ELMO1: variants seen among roughly 807,000 people sequenced by gnomAD.
ELMO1 encodes the protein engulfment and cell motility protein 1.
Under a neutral mutation model 98.9 loss-of-function variants are expected in ELMO1, and 26 were observed. That is an observed-to-expected ratio of 0.26 (90% CI 0.19 to 0.36). The LOEUF (loss-of-function observed/expected upper bound fraction) is 0.36, where lower values mean the gene tolerates loss of function less well. Ranked by LOEUF, ELMO1 falls within the 10% of genes least tolerant of loss-of-function variation. The probability of loss-of-function intolerance (pLI) is 1.00; values close to 1 mark genes in which losing one functional copy is unlikely to be tolerated. For missense variants in ELMO1, 627 were observed against 935.2 expected, an observed-to-expected ratio of 0.67 and a Z score of 4.30; for synonymous variants, 346 against 346.0, an observed-to-expected ratio of 1.00 and a Z score of 0.00.
At chr7:37,367,664 G>A (rs1171803005) in intron 1 of ELMO1, among the ~76,000 whole-genome samples, 1 of 152,158 alleles carries the variant, frequency 6.6e-6, no homozygotes, top group Non-Finnish European at 1.5e-5. Flanking sequence ...TATCACCCGT[G>A]TGTGGTAGGA....
intron 1 of ELMO1, among the ~76,000 whole-genome samples, chr7:37,350,215 C>A (rs996392755): frequency 2.0e-5 from 3 of 152,166 alleles, no homozygotes; most frequent in African/African-American, 4.8e-5. Context: ...AAGCACTCAG[C>A]AGAAAGAGAA....
chr7:36,887,748 C>T (rs190946986), intron 17 of ELMO1, 76 bp from the exon 18 acceptor site: 129 of 1,306,904 alleles, frequency 9.9e-5, no homozygotes, highest in African/African-American at 8.3e-4. Context: ...CATGGGCATA[C>T]GGGCAGGGGA....
At chr7:37,067,982 G>A (rs1797074232) in intron 15 of ELMO1, among the ~76,000 whole-genome samples, 1 of 152,106 alleles carries the variant, frequency 6.6e-6, no homozygotes, top group Non-Finnish European at 1.5e-5. Context: ...GTATTATGGA[G>A]GTACTCAGAA....
intron 16 of ELMO1, among the ~76,000 whole-genome samples, chr7:36,921,677 ACTC>A (rs1470192543): frequency 2.6e-5 from 4 of 151,986 alleles, no homozygotes; most frequent in Non-Finnish European, 5.9e-5. Flanking sequence ...ATTCTCTAGA[ACTC>A]CTCGTTTTCC....
At chr7:37,147,919 C>G (rs1267376334) in intron 13 of ELMO1, among the ~76,000 whole-genome samples, 4 of 151,376 alleles carry the variant, frequency 2.6e-5, no homozygotes. Flanking sequence ...GGAAGTTGTA[C>G]TAACTTCCGT....
At chr7:37,322,028 T>A (rs972167617) in intron 2 of ELMO1, among the ~76,000 whole-genome samples, 11 of 151,672 alleles carry the variant, frequency 7.3e-5, no homozygotes, top group African/African-American at 2.7e-4. Flanking sequence ...GTCGGCTAAT[T>A]TTTGTATTTT....
At chr7:37,078,086 C>A (rs1797677637) in intron 15 of ELMO1, among the ~76,000 whole-genome samples, 2 of 152,122 alleles carry the variant, frequency 1.3e-5, no homozygotes, top group African/African-American at 4.8e-5. Flanking sequence ...GCCCATGATG[C>A]TTTCAGAGGC....
intron 13 of ELMO1, among the ~76,000 whole-genome samples, chr7:37,169,154 A>T (rs1006863703): frequency 6.6e-6 from 1 of 152,126 alleles, no homozygotes; most frequent in African/African-American, 2.4e-5. Flanking sequence ...CAGGTGCGGG[A>T]TATAATCTCC....
At chr7:37,059,365 G>C (rs1157343807) in intron 15 of ELMO1, among the ~76,000 whole-genome samples, 1 of 152,068 alleles carries the variant, frequency 6.6e-6, no homozygotes, top group Non-Finnish European at 1.5e-5. Context: ...GCTTTTTATG[G>C]GAACATCATA....
chr7:37,332,562 G>A (rs1800192176), intron 2 of ELMO1, among the ~76,000 whole-genome samples: 1 of 152,228 alleles, frequency 6.6e-6, no homozygotes. Context: ...TGGGATGGAA[G>A]AATAAACAGG....
At chr7:37,367,030 C>CCTGG (rs1801931835) in intron 1 of ELMO1, among the ~76,000 whole-genome samples, 1 of 152,214 alleles carries the variant, frequency 6.6e-6, no homozygotes, top group Admixed American at 6.5e-5. Context: ...CCCAGCATTT[C>CCTGG]CTGGCCTCTG....
At chr7:37,084,892 G>T (rs747125921) in intron 15 of ELMO1, among the ~76,000 whole-genome samples, 8 of 152,024 alleles carry the variant, frequency 5.3e-5, no homozygotes, top group Non-Finnish European at 1.0e-4. Context: ...ATGTAGTTGG[G>T]ATTACAGGCT....
At chr7:37,384,806 C>CT (rs1236049526) in intron 1 of ELMO1, among the ~76,000 whole-genome samples, 4 of 152,018 alleles carry the variant, frequency 2.6e-5, no homozygotes, top group Non-Finnish European at 5.9e-5. Flanking sequence ...CCTCAGAAAT[C>CT]TGACCTCAAC....
At chr7:37,133,953 A>G (rs746987687) in intron 13 of ELMO1, among the ~76,000 whole-genome samples, 1 of 152,212 alleles carries the variant, frequency 6.6e-6, no homozygotes, top group Non-Finnish European at 1.5e-5. Flanking sequence ...AAAAGTGGGC[A>G]AAGGACATGA....
intron 14 of ELMO1, among the ~76,000 whole-genome samples, chr7:37,132,124 GAGGCCAGACCAAAGGAAA>G (rs1358878693): frequency 6.6e-6 from 1 of 152,148 alleles, no homozygotes; most frequent in Non-Finnish European, 1.5e-5. Flanking sequence ...GAGGAAACAT[GAGGCCAGACCAAAGGAAA>G]TGCCCACACT....
intron 6 of ELMO1, among the ~76,000 whole-genome samples, chr7:37,249,801 A>T (rs933066093): frequency 3.9e-5 from 6 of 152,260 alleles, no homozygotes; most frequent in African/African-American, 1.4e-4. Flanking sequence ...TCAGAAAGCC[A>T]GGCCCGGTAG....
chr7:37,348,529 T>G (rs1328725937), intron 1 of ELMO1, among the ~76,000 whole-genome samples: 2 of 152,122 alleles, frequency 1.3e-5, no homozygotes, highest in Non-Finnish European at 2.9e-5. Flanking sequence ...TTAAGTGGTG[T>G]GTTTATAGTT....
chr7:37,190,360 T>C (rs1000731162), intron 13 of ELMO1, among the ~76,000 whole-genome samples: 5 of 152,242 alleles, frequency 3.3e-5, no homozygotes, highest in African/African-American at 4.8e-5. Context: ...TACAGGGATA[T>C]GTTTTTTAAT....
chr7:37,447,748 A>ACG (rs1453289609), intron 1 of ELMO1, among the ~76,000 whole-genome samples: 4 of 116,338 alleles, frequency 3.4e-5, no homozygotes, highest in African/African-American at 1.2e-4. Flanking sequence ...ACACACACAC[A>ACG]CGCCGCCTCG....
Sources: allele counts gnomAD v4.1 joint callset (sites outside exome capture counted in the v4.1 genomes callset), GRCh38; gene constraint gnomAD v4.1.1; transcripts MANE v1.5; gene names NCBI Gene and HGNC (gene_info 2026-07-23, HGNC 2026-07-21).